The following SAMD5 variants were observed in gnomAD, a reference collection of about 807,000 sequenced individuals.
The protein encoded by SAMD5 is sterile alpha motif domain containing 5, also known as sterile alpha motif domain-containing protein 5.
Under a neutral mutation model 11.3 loss-of-function variants are expected in SAMD5, and 13 were observed. That is an observed-to-expected ratio of 1.15 (90% CI 0.75 to 1.83). The LOEUF is 1.83. SAMD5 is among the 40% of genes most tolerant of loss of function. The pLI is 0.00. For missense variants in SAMD5, 255 were observed against 239.1 expected, an observed-to-expected ratio of 1.07 and a Z score of -0.44; for synonymous variants, 129 against 111.3, an observed-to-expected ratio of 1.16 and a Z score of -1.00.
At chr6:147,562,324 G>C (rs116993498) in intron 1 of SAMD5, among the ~76,000 whole-genome samples, 1 of 152,322 alleles carries the variant, frequency 6.6e-6, no homozygotes, top group East Asian at 1.9e-4. Flanking sequence ...TAATGAGAAT[G>C]TCTTCAAGAA....
chr6:147,648,594 T>C (rs554988655), intron 1 of SAMD5, among the ~76,000 whole-genome samples: 41 of 152,332 alleles, frequency 2.7e-4, no homozygotes, highest in South Asian at 2.1e-3. Flanking sequence ...CTTACAACCA[T>C]TCTTCTGCTA....
chr6:147,551,812 T>TTATATATATATATATATATATA (rs10691979), intron 1 of SAMD5, among the ~76,000 whole-genome samples: 225 of 99,260 alleles, frequency 2.3e-3, no homozygotes, highest in African/African-American at 7.2e-3. Context: ...TATATATATG[T>TTATATATATATATATATATATA]TATATATATA....
the SAMD5 span, among the ~76,000 whole-genome samples, chr6:147,791,498 A>G: frequency 6.6e-6 from 1 of 152,008 alleles, no homozygotes; most frequent in Non-Finnish European, 1.5e-5. Flanking sequence ...TTTTTGGCCT[A>G]TTTCTTTATG....
chr6:147,894,193 C>T, the SAMD5 span, among the ~76,000 whole-genome samples: 923 of 151,080 alleles, frequency 6.1e-3, 7 homozygotes, highest in Non-Finnish European at 0.01. Context: ...GCACAATCTC[C>T]GCTTACTGCA....
At chr6:147,523,226 T>C (rs547861376) in intron 1 of SAMD5, among the ~76,000 whole-genome samples, 8 of 152,324 alleles carry the variant, frequency 5.3e-5, no homozygotes, top group East Asian at 3.9e-4. Context: ...ATTTGAATCA[T>C]GGGCTTTGCA....
At chr6:147,546,876 G>T (rs904693701) in intron 1 of SAMD5, among the ~76,000 whole-genome samples, 20 of 152,176 alleles carry the variant, frequency 1.3e-4, no homozygotes, top group African/African-American at 4.8e-4. Flanking sequence ...TTAGCTGGTT[G>T]TATCTAGATT....
At chr6:147,538,601 G>A (rs771511851) in intron 1 of SAMD5, among the ~76,000 whole-genome samples, 5 of 152,174 alleles carry the variant, frequency 3.3e-5, no homozygotes, top group Admixed American at 6.5e-5. Context: ...AGGTTTGACT[G>A]TTTTCAGCAT....
chr6:147,867,253 A>G, the SAMD5 span, among the ~76,000 whole-genome samples: 2,344 of 148,048 alleles, frequency 0.016, 37 homozygotes, highest in Middle Eastern at 0.025. Flanking sequence ...ACAATTAACC[A>G]TACTGTAGCA....
chr6:147,802,720 G>T, the SAMD5 span, among the ~76,000 whole-genome samples: 1 of 152,178 alleles, frequency 6.6e-6, no homozygotes, highest in Non-Finnish European at 1.5e-5. Flanking sequence ...ACAATAAAAA[G>T]AAATTAACTA....
intron 1 of SAMD5, among the ~76,000 whole-genome samples, chr6:147,632,704 T>G (rs1258705580): frequency 6.6e-6 from 1 of 152,250 alleles, no homozygotes; most frequent in Non-Finnish European, 1.5e-5. Flanking sequence ...TCTAGCCTAC[T>G]GAGTCATAAA....
At chr6:147,914,076 G>C in the SAMD5 span, among the ~76,000 whole-genome samples, 1 of 151,878 alleles carries the variant, frequency 6.6e-6, no homozygotes, top group Admixed American at 6.6e-5. Context: ...CCCACAGGCC[G>C]CATACGGCCC....
chr6:147,751,404 C>T, the SAMD5 span, among the ~76,000 whole-genome samples: 1 of 152,058 alleles, frequency 6.6e-6, no homozygotes, highest in African/African-American at 2.4e-5. Flanking sequence ...TATTTGGTTG[C>T]TTTCTTGTTG....
chr6:147,733,834 G>T, intron 1 of SAMD5: 1 of 722,950 alleles, frequency 1.4e-6, no homozygotes, highest in Non-Finnish European at 1.7e-6. Context: ...GATTTTTGCA[G>T]AGTTAAAACA....
At chr6:147,923,321 C>G in the SAMD5 span, among the ~76,000 whole-genome samples, 4 of 152,108 alleles carry the variant, frequency 2.6e-5, no homozygotes, top group Non-Finnish European at 5.9e-5. Flanking sequence ...TGAATTTTAG[C>G]ATGAGCTTAG....
At chr6:147,727,838 G>A (rs1182227238) in intron 1 of SAMD5, among the ~76,000 whole-genome samples, 1 of 152,098 alleles carries the variant, frequency 6.6e-6, no homozygotes, top group Non-Finnish European at 1.5e-5. Flanking sequence ...TTGTCCCAGA[G>A]TAGTCAATGA....
the SAMD5 span, among the ~76,000 whole-genome samples, chr6:147,927,815 CTG>C: frequency 2.0e-5 from 3 of 152,092 alleles, no homozygotes; most frequent in African/African-American, 7.2e-5. Flanking sequence ...TCATAGATGA[CTG>C]TTATTATTTT....
chr6:147,844,304 T>C, the SAMD5 span, among the ~76,000 whole-genome samples: 1,152 of 152,290 alleles, frequency 7.6e-3, 13 homozygotes, highest in Middle Eastern at 0.044. Flanking sequence ...TATCATCTAA[T>C]ATCTACTAGA....
chr6:147,779,942 T>C, the SAMD5 span, among the ~76,000 whole-genome samples: 1 of 152,240 alleles, frequency 6.6e-6, no homozygotes, highest in Non-Finnish European at 1.5e-5. Context: ...GTGATAGATA[T>C]TAGTTGTTGT....
chr6:147,909,620 CTTTCTT>C, the SAMD5 span, among the ~76,000 whole-genome samples: 2 of 67,368 alleles, frequency 3.0e-5, no homozygotes, highest in African/African-American at 1.8e-4. Context: ...TTCTTTCTTT[CTTTCTT>C]TCTTTCTCTT....
Sources: allele counts gnomAD v4.1 joint callset (sites outside exome capture counted in the v4.1 genomes callset), GRCh38; gene constraint gnomAD v4.1.1; transcripts MANE v1.5; gene names NCBI Gene and HGNC (gene_info 2026-07-23, HGNC 2026-07-21).